The following ZNF816 variants were observed in gnomAD, a reference collection of about 807,000 sequenced individuals.
ZNF816 encodes zinc finger protein 816.
Under a neutral mutation model 8.3 loss-of-function variants are expected in ZNF816, and 11 were observed. The ratio of observed to expected loss-of-function variants is 1.32; its 90% CI spans 0.83 to 2.19. The LOEUF (loss-of-function observed/expected upper bound fraction) is 2.19, where lower values mean the gene tolerates loss of function less well. Ranked by LOEUF, ZNF816 falls within the 30% of genes most tolerant of loss-of-function variation. The pLI is 0.00. For synonymous variants in ZNF816, 255 were observed against 254.5 expected (o/e 1.00, Z -0.02); for missense variants, 710 against 779.3 (o/e 0.91, Z 1.06).
chr19:52,959,356 C>A (rs543781536), intron 1 of ZNF816, among the ~76,000 whole-genome samples: 1 of 152,358 alleles, frequency 6.6e-6, no homozygotes, highest in East Asian at 1.9e-4. Flanking sequence ...TATCAGACAG[C>A]CCTGTTGAGC....
chr19:52,957,512 T>C lies in ZNF816; in HGVS notation c.-15-1408A>G, dbSNP rs752040233. Among the ~76,000 whole-genome samples, 2 of 152,162 alleles carry C rather than the reference T, an allele frequency of 1.3e-5. No homozygotes were observed. The highest frequency in any genetic ancestry group is 2.4e-5 in the African/African-American group (1 of 41,448). On this transcript the variant is annotated intron_variant, in intron 1 of 3. Coordinates refer to ENST00000444460, the MANE Select transcript of ZNF816 (RefSeq NM_001202457.3). The surrounding 1 kb of genome is among the most constrained non-coding windows in gnomAD (Gnocchi z 4.6). Reference sequence around the variant, plus strand: ...GCCCCAGAAGGAGCCCTGTTCAATATAGCAGAAGAGTTACTGAACTGAGGA... The same window carrying C: ...GCCCCAGAAGGAGCCCTGTTCAATACAGCAGAAGAGTTACTGAACTGAGGA...
Position 52,950,095 on chromosome 19 carries a change from A to T in ZNF816, c.1680T>A (p.Thr560=). 1 of 1,614,120 alleles carries T rather than the reference A, an allele frequency of 6.2e-7. No homozygotes were observed. The highest frequency in any genetic ancestry group is 8.5e-7 in the Non-Finnish European group (1 of 1,179,992). ...SCLANHTRVH[T]GEKPYKCNKC... is the part of the protein sequence containing the mutation. Reference sequence around the variant, plus strand: ...TATTACACTTGTAAGGTTTCTCTCCAGTATGAACTCTCGTATGGTTTGCAA... The same window carrying T: ...TATTACACTTGTAAGGTTTCTCTCCTGTATGAACTCTCGTATGGTTTGCAA... The change falls in exon 4 of 4, where the codon ACT becomes ACA. Residue 560 remains threonine (T), a synonymous_variant. Transcript: ENST00000444460.
At position 52,952,837 on chromosome 19, in the gene ZNF816, A is replaced by G. The variant is rs899573023; in HGVS notation, c.104T>C (p.Leu35Ser). The G allele has an allele frequency of 5.6e-6, 9 of 1,613,112 alleles. No individual in the cohort carries two copies. In the Admixed American group the frequency reaches 1.0e-4, roughly 18 times the overall value. Residue 35 changes from leucine (L) to serine (S), a missense_variant, in exon 3 of 4, where the codon TTG becomes TCG. Physicochemically the swap from Leu to Ser is moderately radical, Grantham distance 145 (BLOSUM62 -2). Coordinates refer to ENST00000444460, the MANE Select transcript of ZNF816 (RefSeq NM_001202457.3). Reference protein sequence around the residue: ...TFRDVAIEFSLEEWKCLNPAQ... With the variant: ...TFRDVAIEFSSEEWKCLNPAQ... Reference sequence around the variant, plus strand: ...AGGGTTCAGGCATTTCCACTCCTCCAAAGAGAACTCTATAGCCACATCCCT... The same window carrying G: ...AGGGTTCAGGCATTTCCACTCCTCCGAAGAGAACTCTATAGCCACATCCCT...
Position 52,949,983 on chromosome 19 carries a change from A to G in ZNF816, c.1792T>C (p.Cys598Arg), listed in dbSNP as rs1167309237. The G allele has an allele frequency of 6.2e-7, 1 of 1,614,028 alleles. No individual in the cohort carries two copies. The highest frequency in any genetic ancestry group is 2.2e-5 in the East Asian group (1 of 44,866). The change falls in exon 4 of 4, where the codon TGT (cysteine) becomes CGT (arginine). Residue 598 changes from cysteine to arginine, a missense_variant. Physicochemically the swap from Cys to Arg is radical, Grantham distance 180. Coordinates refer to ENST00000444460, the MANE Select transcript of ZNF816 (RefSeq NM_001202457.3). ...GCTTTTTGATTAAAAACCTTGCCAC[A>G]TTCATTACACTTGTAAGGTTTCTCT... ...TGEKPYKCNE[C>R]GKVFNQKASL... is the part of the protein sequence containing the mutation.
chr19:52,952,598 T>A, intron 3 of ZNF816, 153 bp downstream of exon 3: 1 of 1,435,402 alleles, frequency 7.0e-7, no homozygotes, highest in Non-Finnish European at 9.4e-7. Flanking sequence ...TAAGAAGCTG[T>A]CCATGACAGA....
rs770686396 is a variant in ZNF816, at chr19:52,950,075, C to T, written c.1700G>A (p.Cys567Tyr). Residue 567 changes from cysteine to tyrosine, a missense_variant, in exon 4 of 4, where the codon TGT (cysteine) becomes TAT (tyrosine). Transcript: ENST00000444460. ...ATTAAAAACCTTCGCACATTTATTA[C>T]ACTTGTAAGGTTTCTCTCCAGTATG... ...RVHTGEKPYK[C>Y]NKCAKVFNQK... 4.3e-6 allele frequency: 7 copies of T among 1,613,902 alleles called. No homozygotes were observed. Among genetic ancestry groups the T allele is most frequent in the South Asian group, 2.2e-5 (2 of 91,086 alleles).
At chr19:52,952,030 C>T (rs1330093913) in intron 3 of ZNF816, 2 of 396,806 alleles carry the variant, frequency 5.0e-6, no homozygotes, top group Non-Finnish European at 8.9e-6. Context: ...ATGTGATGAA[C>T]ACTGTCACAG....
rs549908954 is a variant in ZNF816, at chr19:52,956,329, G to C, written c.-15-225C>G. 12 of 455,514 alleles carry C rather than the reference G, an allele frequency of 2.6e-5. No homozygotes were observed. The South Asian group carries it at 3.3e-4, about 12-fold the overall frequency. 28.2% of individuals were successfully genotyped at this position (455,514 alleles called of 1,614,324 possible). A position where few individuals can be genotyped will look rare whatever the true frequency, so the allele number is the denominator to read the frequency against. The stretch of plus-strand genomic sequence containing the variant: ...CCCTCCTGGAAAAGTCCACACACAC[G>C]CTGCAGCAGGACACAGATCTTCAGG... On this transcript the variant is annotated intron_variant, in intron 1 of 3. Transcript: ENST00000444460.
Position 52,951,018 on chromosome 19 carries a change from T to G in ZNF816, c.757A>C (p.Arg253=), listed in dbSNP as rs371677679. 6.2e-7 allele frequency: 1 copy of G among 1,613,982 alleles called. No homozygotes were observed. Among genetic ancestry groups the G allele is most frequent in the African/African-American group, 1.3e-5 (1 of 75,048 alleles). ...LLRRHHITHS[R]EREYKCDVCG... is the part of the protein sequence containing the mutation. ...ACATCACATTTATATTCTCTCTCTC[T>G]TGAATGGGTTATGTGGTGTCTCCTT... is the stretch of plus-strand genomic sequence containing the variant. Residue 253 remains arginine, a synonymous_variant, in exon 4 of 4, where the codon AGA becomes CGA. Transcript: ENST00000444460.
In ZNF816 at chr19:52,950,143, C is replaced by A. The variant is rs751663340; in HGVS notation, c.1632G>T (p.Lys544Asn). ...CAAGGCATGAATCACTCCGGAAAGC[C>A]TTGTCACAAACCTTACATTTGTATG... ...EKPYKCKVCD[K>N]AFRSDSCLAN... The change falls in exon 4 of 4, where the codon AAG (lysine) becomes AAT (asparagine). Residue 544 changes from lysine to asparagine, a missense_variant. By Grantham distance (94) the Lys-to-Asn change is moderately conservative (BLOSUM62 0). Transcript: ENST00000444460. 6.2e-7 allele frequency: 1 copy of A among 1,614,020 alleles called. No homozygotes were observed. The highest frequency in any genetic ancestry group is 8.5e-7 in the Non-Finnish European group (1 of 1,179,974).
chr19:52,953,238 A>AG, intron 2 of ZNF816: 1 of 134,900 alleles, frequency 7.4e-6, no homozygotes, highest in South Asian at 4.2e-5. Context: ...CTAAAAATAC[A>AG]AAAAAAAAAC....
rs1430327363 is a variant in ZNF816, at chr19:52,950,082, A to G, written c.1693T>C (p.Tyr565His). The G allele has an allele frequency of 3.7e-6, 6 of 1,613,942 alleles. No individual in the cohort carries two copies. The Admixed American group carries it at 5.0e-5, about 13-fold the overall frequency. ...ACCTTCGCACATTTATTACACTTGT[A>G]AGGTTTCTCTCCAGTATGAACTCTC... ...HTRVHTGEKP[Y>H]KCNKCAKVFN... is the part of the protein sequence containing the mutation. Residue 565 changes from tyrosine to histidine, a missense_variant, in exon 4 of 4, where the codon TAC becomes CAC. Physicochemically the swap from Tyr to His is moderately conservative, Grantham distance 83. Transcript: ENST00000444460.
At position 52,951,405 on chromosome 19, in the gene ZNF816, C is replaced by T; in HGVS notation, c.370G>A (p.Gly124Ser). 6.2e-7 allele frequency: 1 copy of T among 1,614,020 alleles called. No homozygotes were observed. The highest frequency in any genetic ancestry group is 2.2e-5 in the East Asian group (1 of 44,874). The change falls in exon 4 of 4, where the codon GGC becomes AGC. Residue 124 changes from glycine to serine, a missense_variant. Physicochemically the swap from Gly to Ser is moderately conservative, Grantham distance 56. Transcript: ENST00000444460. ...EFQWQEVERNGHEAPMTKIKK... is the reference protein window; with the variant it reads ...EFQWQEVERNSHEAPMTKIKK... Reference sequence around the variant, plus strand: ...ATTTTTGTCATGGGTGCTTCATGGCCATTTCTTTCAACTTCTTGCCACTGA... The same window carrying T: ...ATTTTTGTCATGGGTGCTTCATGGCTATTTCTTTCAACTTCTTGCCACTGA...
chr19:52,952,904 A>G, intron 2 of ZNF816, 27 bp from the exon 3 acceptor site: 1 of 1,583,578 alleles, frequency 6.3e-7, no homozygotes, highest in South Asian at 1.2e-5. Flanking sequence ...GTTTCAACAA[A>G]ACATTATGGA....
intron 2 of ZNF816, chr19:52,953,136 C>A: frequency 4.5e-6 from 2 of 440,570 alleles, no homozygotes; most frequent in East Asian, 6.5e-5. Flanking sequence ...TGGCTCATGC[C>A]TAAAATCCCA....
rs1407509915 is a variant in ZNF816 at position 52,956,107 on chromosome 19, G to A, written c.-15-3C>T. 7.5e-6 allele frequency: 12 copies of A among 1,599,774 alleles called. No individual in the cohort carries two copies. The highest frequency in any genetic ancestry group is 6.8e-5 in the African/African-American group (5 of 73,274). The stretch of plus-strand genomic sequence containing the variant: ...CGTAACATGAGTCTTTGGAAATCCT[G>A]TATGTTAAAAAAGCAAGAGATTTAA... On this transcript the variant is annotated splice_polypyrimidine_tract_variant and splice_region_variant and intron_variant, in intron 1 of 3. Coordinates refer to ENST00000444460, the MANE Select transcript of ZNF816 (RefSeq NM_001202457.3).
chr19:52,956,927 T>C (rs1171566396), intron 1 of ZNF816, among the ~76,000 whole-genome samples: 2 of 152,354 alleles, frequency 1.3e-5, no homozygotes, highest in East Asian at 3.9e-4. Context: ...TTATGTTATC[T>C]GTAAATTCTA....
At chr19:52,954,040 C>CAAAAAAA (rs754620563) in intron 2 of ZNF816, among the ~76,000 whole-genome samples, 4 of 94,680 alleles carry the variant, frequency 4.2e-5, no homozygotes, top group African/African-American at 1.2e-4. Context: ...GACTCTTTCT[C>CAAAAAAA]AAAAAAAAAA....
In ZNF816 at chr19:52,957,506, T is replaced by G. The variant is rs1451515905; in HGVS notation, c.-15-1402A>C. ...CAGGAGGCCCCAGAAGGAGCCCTGTTCAATATAGCAGAAGAGTTACTGAAC... is the reference window on the plus strand; with the variant it reads ...CAGGAGGCCCCAGAAGGAGCCCTGTGCAATATAGCAGAAGAGTTACTGAAC... On this transcript the variant is annotated intron_variant, in intron 1 of 3. Coordinates refer to ENST00000444460, the MANE Select transcript of ZNF816 (RefSeq NM_001202457.3). The surrounding 1 kb of genome is among the most constrained non-coding windows in gnomAD (Gnocchi z 4.6). Among the ~76,000 whole-genome samples the G allele has an allele frequency of 1.3e-5, 2 of 152,286 alleles. No individual in the cohort carries two copies.
Sources: gnomAD v4.1 joint callset for allele counts (sites outside exome capture counted in the v4.1 genomes callset) on GRCh38, gnomAD v4.1.1 for gene constraint, Gnocchi (gnomAD v3.1) non-coding constraint, MANE v1.5 for transcripts, NCBI Gene and HGNC (gene_info 2026-07-23, HGNC 2026-07-21) for gene names.